Variants in PTPN12 observed in about 807,000 individuals in gnomAD.
PTPN12 encodes tyrosine-protein phosphatase non-receptor type 12.
A neutral mutation model predicts 97.6 loss-of-function variants in PTPN12; 29 were observed. The observed-to-expected ratio is 0.30, with a 90% CI of 0.22 to 0.41. The LOEUF (loss-of-function observed/expected upper bound fraction) is 0.41. Ranked by LOEUF, PTPN12 falls within the 10% of genes least tolerant of loss-of-function variation. The pLI is 1.00. For synonymous variants in PTPN12, 327 were observed against 300.4 expected (o/e 1.09, Z -0.91); for missense variants, 819 against 926.0 (o/e 0.88, Z 1.50).
At chr7:77,618,720 T>C (rs1363391173) in intron 12 of PTPN12, among the ~76,000 whole-genome samples, 155 bp downstream of exon 12, 1 of 152,250 alleles carries the variant, frequency 6.6e-6, no homozygotes, top group Non-Finnish European at 1.5e-5. Flanking sequence ...GATTTGTTAC[T>C]GGTTTATTAA....
chr7:77,595,958 T>G (rs1346362036), intron 6 of PTPN12, among the ~76,000 whole-genome samples: 1 of 152,170 alleles, frequency 6.6e-6, no homozygotes, highest in East Asian at 1.9e-4. Context: ...AATAATAATT[T>G]GGGGTGTTCT....
intron 11 of PTPN12, among the ~76,000 whole-genome samples, chr7:77,617,049 C>T (rs1003176236): frequency 2.0e-5 from 3 of 152,268 alleles, no homozygotes; most frequent in Admixed American, 6.5e-5. Context: ...TCCCAAAGTT[C>T]TGGGATTACA....
intron 2 of PTPN12, among the ~76,000 whole-genome samples, chr7:77,578,038 A>T (rs1293925212): frequency 6.6e-6 from 1 of 152,120 alleles, no homozygotes; most frequent in African/African-American, 2.4e-5. Flanking sequence ...AAAAGAAATT[A>T]CCAGCCTGCA....
intron 1 of PTPN12, among the ~76,000 whole-genome samples, chr7:77,560,898 C>T (rs762086619): frequency 6.6e-6 from 1 of 151,792 alleles, no homozygotes; most frequent in Non-Finnish European, 1.5e-5. Context: ...GCTTTCCGTT[C>T]TTTGGGGTAT....
intron 11 of PTPN12, among the ~76,000 whole-genome samples, chr7:77,616,807 G>T (rs1788766765): frequency 6.6e-6 from 1 of 151,898 alleles, no homozygotes; most frequent in Non-Finnish European, 1.5e-5. Flanking sequence ...TTTTGAGACG[G>T]AGTCTTGCTC....
intron 14 of PTPN12, among the ~76,000 whole-genome samples, chr7:77,634,762 T>C (rs1454480198): frequency 6.6e-6 from 1 of 151,746 alleles, no homozygotes; most frequent in Non-Finnish European, 1.5e-5. Flanking sequence ...ATTTTTTTAG[T>C]AGAGACAGGG....
At chr7:77,616,489 C>T (rs191326190) in intron 11 of PTPN12, among the ~76,000 whole-genome samples, 1 of 152,240 alleles carries the variant, frequency 6.6e-6, no homozygotes, top group African/African-American at 2.4e-5. Flanking sequence ...ATTGCCTTAC[C>T]TGCAGTTCCA....
At chr7:77,576,187 T>C (rs930581397) in intron 2 of PTPN12, among the ~76,000 whole-genome samples, 2 of 152,174 alleles carry the variant, frequency 1.3e-5, no homozygotes, top group Non-Finnish European at 2.9e-5. Flanking sequence ...TCATTCACGA[T>C]GTAGCATGCA....
In PTPN12 at chr7:77,639,170, T is replaced by C. The variant is rs760073410; in HGVS notation, c.2282-49T>C. 8.4e-6 allele frequency: 12 copies of C among 1,421,022 alleles called. No individual in the cohort carries two copies. In the African/African-American group the frequency reaches 1.6e-4, roughly 18 times the overall value. 88.0% of individuals were successfully genotyped at this position (1,421,022 alleles called of 1,614,324 possible). ...TCTGTGGACATGGTTTTTAGTAGTTTGAAAGTATTTCTGAACACTGACTAG... is the reference window on the plus strand; with the variant it reads ...TCTGTGGACATGGTTTTTAGTAGTTCGAAAGTATTTCTGAACACTGACTAG... On this transcript the variant is annotated intron_variant, in intron 17 of 17. Coordinates refer to ENST00000248594, the MANE Select transcript of PTPN12 (RefSeq NM_002835.4).
At chr7:77,544,703 G>A (rs1041866446) in intron 1 of PTPN12, among the ~76,000 whole-genome samples, 1 of 152,248 alleles carries the variant, frequency 6.6e-6, no homozygotes, top group Non-Finnish European at 1.5e-5. Context: ...TTACATTTCT[G>A]TCTTCCCCAG....
chr7:77,565,235 T>C (rs1410923017), intron 1 of PTPN12, among the ~76,000 whole-genome samples: 1 of 152,244 alleles, frequency 6.6e-6, no homozygotes, highest in African/African-American at 2.4e-5. Context: ...CTTTTTGTGT[T>C]AATTTATTGT....
chr7:77,634,528 C>T (rs1789518635), intron 14 of PTPN12, among the ~76,000 whole-genome samples: 1 of 152,134 alleles, frequency 6.6e-6, no homozygotes, highest in Admixed American at 6.5e-5. Flanking sequence ...CAAGCTCCAC[C>T]TCTTGGGTTC....
chr7:77,594,285 G>A (rs1459653589), intron 6 of PTPN12, among the ~76,000 whole-genome samples: 1 of 152,052 alleles, frequency 6.6e-6, no homozygotes, highest in East Asian at 1.9e-4. Flanking sequence ...AAAATAGTGA[G>A]ACATTATTAA....
chr7:77,587,567 C>T (rs1787732583), intron 5 of PTPN12, among the ~76,000 whole-genome samples: 1 of 152,136 alleles, frequency 6.6e-6, no homozygotes, highest in East Asian at 1.9e-4. Flanking sequence ...ATTTTTAGAG[C>T]CCTTAGGATT....
At chr7:77,555,290 T>C (rs1356402167) in intron 1 of PTPN12, among the ~76,000 whole-genome samples, 1 of 152,010 alleles carries the variant, frequency 6.6e-6, no homozygotes, top group East Asian at 1.9e-4. Context: ...CTGATCAGTG[T>C]TCTCTGAGCT....
intron 11 of PTPN12, among the ~76,000 whole-genome samples, chr7:77,611,293 C>G (rs942685172): frequency 6.6e-6 from 1 of 152,180 alleles, no homozygotes; most frequent in African/African-American, 2.4e-5. Context: ...TGTCAAAAAT[C>G]ATATAATTCG....
chr7:77,585,347 C>G, intron 4 of PTPN12, 196 bp from the exon 5 acceptor site: 1 of 478,900 alleles, frequency 2.1e-6, no homozygotes, highest in Non-Finnish European at 3.7e-6. Context: ...TAATTTGTTG[C>G]TGTATAGTTA....
At chr7:77,541,130 A>C (rs929803379) in intron 1 of PTPN12, among the ~76,000 whole-genome samples, 1 of 152,128 alleles carries the variant, frequency 6.6e-6, no homozygotes, top group African/African-American at 2.4e-5. Flanking sequence ...TCACTCTGTC[A>C]CCCAGGCTGG....
chr7:77,609,958 A>AT (rs1478917964), intron 9 of PTPN12, among the ~76,000 whole-genome samples: 22 of 152,066 alleles, frequency 1.4e-4, no homozygotes, highest in Admixed American at 1.4e-3. Context: ...CCTGGAAATC[A>AT]TTTTTAACCC....
Sources: allele counts gnomAD v4.1 joint callset (sites outside exome capture counted in the v4.1 genomes callset), GRCh38; gene constraint gnomAD v4.1.1; transcripts MANE v1.5; gene names NCBI Gene and HGNC (gene_info 2026-07-23, HGNC 2026-07-21).